SLIT1: variants seen among roughly 807,000 people sequenced by gnomAD.
SLIT1 encodes slit guidance ligand 1.
A neutral mutation model predicts 186.1 loss-of-function variants in SLIT1; 66 were observed. The ratio of observed to expected loss-of-function variants is 0.35; its 90% CI spans 0.29 to 0.44. The LOEUF (loss-of-function observed/expected upper bound fraction) is 0.44. Ranked by LOEUF, SLIT1 falls within the 20% of genes least tolerant of loss-of-function variation. The probability of loss-of-function intolerance (pLI) is 1.00; values close to 1 mark genes in which losing one functional copy is unlikely to be tolerated. For synonymous variants in SLIT1, 761 were observed against 833.8 expected, an observed-to-expected ratio of 0.91 and a Z score of 1.50; for missense variants, 1,638 against 2,037.4, an observed-to-expected ratio of 0.80 and a Z score of 3.77.
chr10:97,175,566 A>G (rs531768208), intron 1 of SLIT1, among the ~76,000 whole-genome samples: 2 of 152,252 alleles, frequency 1.3e-5, no homozygotes, highest in African/African-American at 2.4e-5. Context: ...GACAGTCGCA[A>G]TCCGAGTGGG....
intron 4 of SLIT1, among the ~76,000 whole-genome samples, chr10:97,090,361 G>T (rs1193161713): frequency 1.3e-5 from 2 of 151,150 alleles, no homozygotes; most frequent in African/African-American, 4.9e-5. Context: ...CCAGGCAGAG[G>T]AACCAGCAGG....
At chr10:97,051,781 C>G (rs1848789176) in intron 13 of SLIT1, among the ~76,000 whole-genome samples, 1 of 143,732 alleles carries the variant, frequency 7.0e-6, no homozygotes, top group Admixed American at 7.4e-5. Context: ...CACTGCACTC[C>G]AGCCTGGGCG....
In SLIT1 at chr10:97,006,264, A is replaced by G. The variant is rs1476365536; in HGVS notation, c.3579+219T>C. ...TCTGGATTCAGTTACCCATGAGACC[A>G]TGTCCACCCCTGCCCTGGTTTTGTG... On this transcript the variant is annotated intron_variant, in intron 32 of 36. Coordinates refer to ENST00000266058, the MANE Select transcript of SLIT1 (RefSeq NM_003061.3). The surrounding 1 kb of genome is among the most constrained non-coding windows in gnomAD (Gnocchi z 4.0). 1.3e-5 allele frequency among the ~76,000 whole-genome samples: 2 copies of G among 152,242 alleles called. No individual in the cohort carries two copies. Among genetic ancestry groups the G allele is most frequent in the Non-Finnish European group, 2.9e-5 (2 of 68,042 alleles).
At position 97,010,546 on chromosome 10, in the gene SLIT1, A is replaced by G. The variant is rs577078851; in HGVS notation, c.3341+447T>C. Among the ~76,000 whole-genome samples the G allele has an allele frequency of 1.8e-4, 27 of 152,378 alleles. No homozygotes were observed. The highest frequency in any genetic ancestry group is 6.5e-4 in the African/African-American group (27 of 41,598). Reference sequence around the variant, plus strand: ...CATGGAATTTTACATGTAACTGTGTAAACTGTATGGTACATGAATTATATC... The same window carrying G: ...CATGGAATTTTACATGTAACTGTGTGAACTGTATGGTACATGAATTATATC... On this transcript the variant is annotated intron_variant, in intron 31 of 36. Transcript: ENST00000266058. This position sits in a 1 kb window ranked among gnomAD's most constrained non-coding sequence, Gnocchi z 4.8.
At chr10:97,146,900 T>C (rs528291198) in intron 4 of SLIT1, among the ~76,000 whole-genome samples, 9 of 151,898 alleles carry the variant, frequency 5.9e-5, no homozygotes, top group Non-Finnish European at 1.2e-4. Context: ...TGAGCCTCTG[T>C]CCAATCTGGT....
chr10:97,066,333 C>T (rs1848945763), intron 4 of SLIT1, among the ~76,000 whole-genome samples: 1 of 152,214 alleles, frequency 6.6e-6, no homozygotes, highest in Non-Finnish European at 1.5e-5. Flanking sequence ...CAGCCACCTC[C>T]CCTTCTCTGG....
chr10:97,004,223 C>T lies in SLIT1; in HGVS notation c.3711-1G>A, dbSNP rs1235132508. ...TTGCCCATCGTTGATCGTCTCAGCA[C>T]TGGAGGAAGAGGGGGTTCCCCGTTC... is the stretch of plus-strand genomic sequence containing the variant. On this transcript the variant is annotated splice_acceptor_variant, in intron 33 of 36. Transcript: ENST00000266058. LOFTEE classifies it high-confidence loss of function. This position sits in a 1 kb window ranked among gnomAD's most constrained non-coding sequence, Gnocchi z 5.1. 6.3e-7 allele frequency: 1 copy of T among 1,599,896 alleles called. No individual in the cohort carries two copies. The highest frequency in any genetic ancestry group is 8.6e-7 in the Non-Finnish European group (1 of 1,168,220).
At position 97,004,096 on chromosome 10, in the gene SLIT1, G is replaced by A. The variant is rs1195970732; in HGVS notation, c.3837C>T (p.Leu1279=). Residue 1279 remains leucine (L), a synonymous_variant, in exon 34 of 37, where the codon CTC becomes CTT. Coordinates refer to ENST00000266058, the MANE Select transcript of SLIT1 (RefSeq NM_003061.3). This position sits in a 1 kb window ranked among gnomAD's most constrained non-coding sequence, Gnocchi z 5.1. ...CCACATAGAGTGGCGCCTCGCTGTT[G>A]AGCGTGTAATGTTTGCCAAAGTTGT... ...TMDNFGKHYT[L]NSEAPLYVGG... is the part of the protein sequence containing the mutation. The A allele has an allele frequency of 3.7e-6, 6 of 1,612,328 alleles. No homozygotes were observed. The highest frequency in any genetic ancestry group is 3.3e-5 in the South Asian group (3 of 91,004).
At chr10:97,027,640 G>A (rs1848557438) in intron 25 of SLIT1, among the ~76,000 whole-genome samples, 1 of 152,204 alleles carries the variant, frequency 6.6e-6, no homozygotes, top group Admixed American at 6.5e-5. Context: ...TTATAAACTA[G>A]ATCTGGCTTC....
At chr10:97,045,081 C>G (rs893665267) in intron 18 of SLIT1, among the ~76,000 whole-genome samples, 3 of 152,206 alleles carry the variant, frequency 2.0e-5, no homozygotes, top group Admixed American at 1.3e-4. Flanking sequence ...CAGAACCCAT[C>G]CATGCTGGCA....
intron 4 of SLIT1, among the ~76,000 whole-genome samples, chr10:97,091,392 T>C (rs557062202): frequency 6.6e-6 from 1 of 152,372 alleles, no homozygotes; most frequent in East Asian, 1.9e-4. Flanking sequence ...CACGAACTTG[T>C]AGATTTTTGT....
chr10:97,058,850 C>A (rs1848865052), intron 11 of SLIT1, among the ~76,000 whole-genome samples: 1 of 152,200 alleles, frequency 6.6e-6, no homozygotes. Context: ...GCTGTAGGAC[C>A]TCGGGTAGTG....
chr10:97,021,142 C>A lies in SLIT1; in HGVS notation c.2746+108G>T, dbSNP rs984791104. 2 of 1,106,712 alleles carry A rather than the reference C, an allele frequency of 1.8e-6. No individual in the cohort carries two copies. Among genetic ancestry groups the A allele is most frequent in the Non-Finnish European group, 2.5e-6 (2 of 784,906 alleles). 68.6% of individuals were successfully genotyped at this position (1,106,712 alleles called of 1,614,324 possible). A position where few individuals can be genotyped will look rare whatever the true frequency, so the allele number is the denominator to read the frequency against. On this transcript the variant is annotated intron_variant, in intron 26 of 36. Coordinates refer to ENST00000266058, the MANE Select transcript of SLIT1 (RefSeq NM_003061.3). The surrounding 1 kb of genome is among the most constrained non-coding windows in gnomAD (Gnocchi z 4.5). ...AGGTGCCTTGTTCCTGTCCCCTGACCCCCCGCCCAGCGGTCACCACAGGGA... is the reference window on the plus strand; with the variant it reads ...AGGTGCCTTGTTCCTGTCCCCTGACACCCCGCCCAGCGGTCACCACAGGGA...
chr10:97,039,732 G>A (rs114067820), intron 21 of SLIT1, among the ~76,000 whole-genome samples: 2 of 152,330 alleles, frequency 1.3e-5, no homozygotes, highest in African/African-American at 4.8e-5. Flanking sequence ...TTTTAAAGGC[G>A]GAGCTTAGTT....
rs558219700 is a variant in SLIT1, at chr10:97,159,029, C to CA, written c.342-1141dup. On this transcript the variant is annotated intron_variant, in intron 3 of 36. Coordinates refer to ENST00000266058, the MANE Select transcript of SLIT1 (RefSeq NM_003061.3). ...AGAAACGTCATCTCTACAAAAAATA[C>CA]AAAAAAATTAGCTGGGCATGGTAGT... 2.0e-5 allele frequency among the ~76,000 whole-genome samples: 3 copies of CA among 152,156 alleles called. No individual in the cohort carries two copies. The South Asian group carries it at 6.2e-4, about 32-fold the overall frequency.
chr10:97,043,179 C>G lies in SLIT1; in HGVS notation c.1998-112G>C. On this transcript the variant is annotated intron_variant, in intron 19 of 36. Transcript: ENST00000266058. The surrounding 1 kb of genome is among the most constrained non-coding windows in gnomAD (Gnocchi z 7.0). Reference sequence around the variant, plus strand: ...CCACATGGCCACATGGCACTGTCTCCCAGACCACCACCCATCACCAAGAGG... The same window carrying G: ...CCACATGGCCACATGGCACTGTCTCGCAGACCACCACCCATCACCAAGAGG... 1 of 1,356,880 alleles carries G rather than the reference C, an allele frequency of 7.4e-7. No individual in the cohort carries two copies. The highest frequency in any genetic ancestry group is 1.3e-5 in the South Asian group (1 of 74,398). 84.1% of individuals were successfully genotyped at this position (1,356,880 alleles called of 1,614,324 possible).
chr10:97,131,854 G>A (rs932444993), intron 4 of SLIT1, among the ~76,000 whole-genome samples: 7 of 152,180 alleles, frequency 4.6e-5, no homozygotes, highest in African/African-American at 7.2e-5. Context: ...CAGCCTATGC[G>A]TGGGGACTAA....
chr10:97,063,725 C>G, intron 7 of SLIT1, 107 bp from the exon 8 acceptor site: 3 of 1,212,264 alleles, frequency 2.5e-6, no homozygotes, highest in Non-Finnish European at 2.3e-6. Context: ...TGTGTTCAAG[C>G]CAAACACAGT....
At position 97,000,778 on chromosome 10, in the gene SLIT1, G is replaced by A. The variant is rs1043841890; in HGVS notation, c.*334C>T. The A allele has an allele frequency of 4.7e-5, 12 of 256,420 alleles. No homozygotes were observed. The highest frequency in any genetic ancestry group is 1.8e-4 in the African/African-American group (8 of 45,002). 15.9% of individuals were successfully genotyped at this position (256,420 alleles called of 1,614,324 possible). On this transcript the variant is annotated 3_prime_UTR_variant, in exon 37 of 37. Coordinates refer to ENST00000266058, the MANE Select transcript of SLIT1 (RefSeq NM_003061.3). The stretch of plus-strand genomic sequence containing the variant: ...CTGTCATTTTTCTTCTCCAGATTCA[G>A]ATAGCAGGTAAGGAGGGGTGTCATC...
Sources: gnomAD v4.1 joint callset for allele counts (sites outside exome capture counted in the v4.1 genomes callset) on GRCh38, gnomAD v4.1.1 for gene constraint, Gnocchi (gnomAD v3.1) non-coding constraint, MANE v1.5 for transcripts, NCBI Gene and HGNC (gene_info 2026-07-23, HGNC 2026-07-21) for gene names.